The following SPECC1L variants were observed in gnomAD, a reference collection of about 807,000 sequenced individuals.
SPECC1L encodes sperm antigen with calponin homology and coiled-coil domains 1 like.
Under a neutral mutation model 116.8 loss-of-function variants are expected in SPECC1L, and 40 were observed. The ratio of observed to expected loss-of-function variants is 0.34; its 90% confidence interval spans 0.27 to 0.45. The LOEUF (loss-of-function observed/expected upper bound fraction) is 0.45. SPECC1L is among the 20% of genes least tolerant of loss of function. The pLI, the probability that SPECC1L is intolerant of heterozygous loss-of-function variation, is 1.00. For missense variants in SPECC1L, 1,110 were observed against 1,373.6 expected, an observed-to-expected ratio of 0.81 and a Z score of 3.03; for synonymous variants, 504 against 500.6, an observed-to-expected ratio of 1.01 and a Z score of -0.09.
At chr22:24,375,970 C>CAA (rs565959001) in intron 14 of SPECC1L, among the ~76,000 whole-genome samples, 3 of 150,492 alleles carry the variant, frequency 2.0e-5, no homozygotes, top group African/African-American at 7.3e-5. Flanking sequence ...AACAAACAAA[C>CAA]AAAAAAAACA....
intron 14 of SPECC1L, among the ~76,000 whole-genome samples, chr22:24,406,399 C>T (rs1355624100): frequency 6.6e-6 from 1 of 152,146 alleles, no homozygotes; most frequent in African/African-American, 2.4e-5. Context: ...AGGCATCCTG[C>T]GAGCAGTACC....
At chr22:24,393,535 T>A (rs1318365473) in intron 14 of SPECC1L, among the ~76,000 whole-genome samples, 1 of 152,202 alleles carries the variant, frequency 6.6e-6, no homozygotes, top group Admixed American at 6.5e-5. Flanking sequence ...CCTTGGACTG[T>A]GCCTGGACTG....
At chr22:24,305,517 TC>T (rs143072252) in intron 3 of SPECC1L, among the ~76,000 whole-genome samples, 2,182 of 152,294 alleles carry the variant, frequency 0.014, 61 homozygotes, top group African/African-American at 0.05. Flanking sequence ...TGGTTAGTAA[TC>T]CATGGGATGA....
intron 14 of SPECC1L, among the ~76,000 whole-genome samples, chr22:24,386,889 C>T (rs139152401): frequency 0.034 from 5,108 of 152,232 alleles, 176 homozygotes; most frequent in African/African-American, 0.082. Flanking sequence ...CAGGCGTGAG[C>T]CACTGCACCT....
chr22:24,352,061 C>T (rs2041437168), intron 11 of SPECC1L, among the ~76,000 whole-genome samples: 2 of 151,802 alleles, frequency 1.3e-5, no homozygotes, highest in Admixed American at 1.3e-4. Flanking sequence ...TAGCATCATG[C>T]ACTTGCAGGA....
chr22:24,370,314 A>G (rs2041847865), intron 14 of SPECC1L, among the ~76,000 whole-genome samples: 1 of 152,232 alleles, frequency 6.6e-6, no homozygotes, highest in South Asian at 2.1e-4. Flanking sequence ...AGGATTTACT[A>G]AGACTCTCCA....
At chr22:24,360,501 A>G (rs529157819) in intron 11 of SPECC1L, among the ~76,000 whole-genome samples, 9 of 152,236 alleles carry the variant, frequency 5.9e-5, no homozygotes, top group African/African-American at 2.2e-4. Flanking sequence ...ACCATGCAGT[A>G]AGAAACAGAC....
intron 3 of SPECC1L, among the ~76,000 whole-genome samples, chr22:24,307,765 C>T (rs562253821): frequency 6.6e-6 from 1 of 151,816 alleles, no homozygotes; most frequent in African/African-American, 2.4e-5. Flanking sequence ...TCTCAATCTC[C>T]TGATTGCAGG....
chr22:24,303,001 T>G (rs2049412386), intron 3 of SPECC1L, among the ~76,000 whole-genome samples: 1 of 152,018 alleles, frequency 6.6e-6, no homozygotes, highest in Non-Finnish European at 1.5e-5. Context: ...TTATTACTAT[T>G]ACCATTTTTT....
intron 6 of SPECC1L, among the ~76,000 whole-genome samples, chr22:24,327,355 T>C (rs1261485633): frequency 7.2e-6 from 1 of 139,566 alleles, no homozygotes; most frequent in Non-Finnish European, 1.6e-5. Context: ...GGCAAAAAAA[T>C]TTTAGAAGAG....
At chr22:24,275,642 G>A (rs1430170301) in intron 1 of SPECC1L, among the ~76,000 whole-genome samples, 1 of 150,744 alleles carries the variant, frequency 6.6e-6, no homozygotes, top group East Asian at 1.9e-4. Flanking sequence ...TGTGCATATA[G>A]CCTAAGGAAA....
At chr22:24,319,155 C>T (rs2040667307) in intron 4 of SPECC1L, among the ~76,000 whole-genome samples, 1 of 152,124 alleles carries the variant, frequency 6.6e-6, no homozygotes, top group Non-Finnish European at 1.5e-5. Flanking sequence ...TGTATTAGTC[C>T]ATTCTCATGC....
chr22:24,330,232 T>C (rs1323854548), intron 7 of SPECC1L, 24 bp from the exon 8 acceptor site: 2 of 1,612,700 alleles, frequency 1.2e-6, no homozygotes, highest in African/African-American at 2.7e-5. Flanking sequence ...CTTTTGGAAA[T>C]AAAAAGTTAG....
Position 24,415,880 on chromosome 22 carries a change from A to G in SPECC1L, c.*1257A>G, listed in dbSNP as rs1303640035. ...GGAGATGCTCTCAGGCCAGAACTCA[A>G]CAGCTATTTTTGGGAATAGGGATCT... On this transcript the variant is annotated 3_prime_UTR_variant, in exon 17 of 17. Transcript: ENST00000314328. The G allele has an allele frequency of 6.6e-6, 1 of 152,256 alleles. No individual in the cohort carries two copies. Among genetic ancestry groups the G allele is most frequent in the Non-Finnish European group, 1.5e-5 (1 of 68,046 alleles). The allele number at this position is 152,256 out of a possible 1,614,324, so 9.4% of individuals were successfully genotyped here. A position where few individuals can be genotyped will look rare whatever the true frequency, so the allele number is the denominator to read the frequency against.
chr22:24,388,894 G>A (rs2042213907), intron 14 of SPECC1L, among the ~76,000 whole-genome samples: 1 of 152,028 alleles, frequency 6.6e-6, no homozygotes, highest in Non-Finnish European at 1.5e-5. Flanking sequence ...GTGGTTTTTA[G>A]TATATGCACA....
intron 10 of SPECC1L, among the ~76,000 whole-genome samples, chr22:24,344,755 A>G (rs768499800): frequency 6.6e-6 from 1 of 152,216 alleles, no homozygotes; most frequent in Non-Finnish European, 1.5e-5. Context: ...GAGGTCCTAT[A>G]CAAAAGTTAT....
rs182942671 is a variant in SPECC1L at position 24,382,571 on chromosome 22, C to T, written c.3087+13251C>T. Among the ~76,000 whole-genome samples, 10 of 152,050 alleles carry T rather than the reference C, an allele frequency of 6.6e-5. No individual in the cohort carries two copies. In the East Asian group the frequency reaches 9.7e-4, roughly 15 times the overall value. Reference sequence around the variant, plus strand: ...ACAAAAAATGAGCTGGGTACAGTGACGGGCGACTGTAGTTCCAGCTACTTG... The same window carrying T: ...ACAAAAAATGAGCTGGGTACAGTGATGGGCGACTGTAGTTCCAGCTACTTG... On this transcript the variant is annotated intron_variant, in intron 14 of 16. Transcript: ENST00000314328.
chr22:24,324,460 CCTA>C (rs2040778716), intron 6 of SPECC1L, 33 bp downstream of exon 6: 2 of 1,577,790 alleles, frequency 1.3e-6, no homozygotes, highest in African/African-American at 1.4e-5. Flanking sequence ...TCTTTTTTGT[CCTA>C]CTCTTTTAAA....
intron 7 of SPECC1L, 64 bp downstream of exon 7, chr22:24,328,983 A>G (rs904890650): frequency 3.3e-6 from 4 of 1,206,480 alleles, no homozygotes; most frequent in Non-Finnish European, 4.9e-6. Flanking sequence ...AGGTGTAGTC[A>G]TTGACCATGT....
Sources: allele counts gnomAD v4.1 joint callset (sites outside exome capture counted in the v4.1 genomes callset), GRCh38; gene constraint gnomAD v4.1.1; transcripts MANE v1.5; gene names NCBI Gene and HGNC (gene_info 2026-07-23, HGNC 2026-07-21).